SLC44A1: variants seen among roughly 807,000 people sequenced by gnomAD.
The protein encoded by SLC44A1 is solute carrier family 44 member 1.
A neutral mutation model predicts 79.3 loss-of-function variants in SLC44A1; 26 were observed. The observed-to-expected ratio is 0.33, with a 90% CI of 0.24 to 0.46. The LOEUF is 0.46. SLC44A1 is among the 20% of genes least tolerant of loss of function. SLC44A1 has a pLI of 1.00. For missense variants in SLC44A1, 688 were observed against 798.1 expected (o/e 0.86, Z 1.66); for synonymous variants, 263 against 286.2 (o/e 0.92, Z 0.82).
At chr9:105,363,162 A>T (rs1299687655) in intron 9 of SLC44A1, among the ~76,000 whole-genome samples, 155 bp downstream of exon 9, 1 of 149,278 alleles carries the variant, frequency 6.7e-6, no homozygotes, top group Non-Finnish European at 1.5e-5. Context: ...AACCTACTTC[A>T]TATTCGTCTT....
intron 2 of SLC44A1, among the ~76,000 whole-genome samples, chr9:105,302,690 A>C (rs1197222722): frequency 2.0e-5 from 3 of 150,900 alleles, no homozygotes. Context: ...AAAAAAAAAA[A>C]CCTAATTCCT....
At chr9:105,268,931 G>T (rs1275403956) in intron 1 of SLC44A1, among the ~76,000 whole-genome samples, 1 of 152,146 alleles carries the variant, frequency 6.6e-6, no homozygotes, top group Non-Finnish European at 1.5e-5. Context: ...TTACCTTGCC[G>T]TTCACCAAAA....
intron 9 of SLC44A1, among the ~76,000 whole-genome samples, chr9:105,363,713 C>T (rs887716939): frequency 6.6e-6 from 1 of 152,242 alleles, no homozygotes; most frequent in Non-Finnish European, 1.5e-5. Context: ...GATCCATCCA[C>T]CTCGGCCTCC....
At chr9:105,336,193 AT>A (rs1284112417) in intron 4 of SLC44A1, among the ~76,000 whole-genome samples, 1 of 151,794 alleles carries the variant, frequency 6.6e-6, no homozygotes, top group African/African-American at 2.4e-5. Context: ...TAACATATGC[AT>A]ATTATAGGAA....
intron 1 of SLC44A1, among the ~76,000 whole-genome samples, chr9:105,269,147 A>C (rs1564405380): frequency 6.6e-6 from 1 of 152,136 alleles, no homozygotes; most frequent in Non-Finnish European, 1.5e-5. Flanking sequence ...AATATTAATA[A>C]ATTTATGTCT....
At chr9:105,403,131 T>C (rs1828980301) in intron 15 of SLC44A1, among the ~76,000 whole-genome samples, 1 of 151,942 alleles carries the variant, frequency 6.6e-6, no homozygotes, top group Admixed American at 6.6e-5. Flanking sequence ...GAAAAGATTA[T>C]TAAACTAAAA....
chr9:105,292,070 C>T (rs1373351910), intron 1 of SLC44A1, among the ~76,000 whole-genome samples: 7 of 152,170 alleles, frequency 4.6e-5, no homozygotes, highest in African/African-American at 9.6e-5. Context: ...TTAACCCTGC[C>T]CATATACCAC....
chr9:105,333,340 A>C (rs1390765592), intron 3 of SLC44A1, among the ~76,000 whole-genome samples: 1 of 152,080 alleles, frequency 6.6e-6, no homozygotes, highest in East Asian at 1.9e-4. Context: ...CTGTGTACTC[A>C]ATGCCTCTCT....
At chr9:105,327,837 T>C (rs565273229) in intron 3 of SLC44A1, among the ~76,000 whole-genome samples, 1 of 152,306 alleles carries the variant, frequency 6.6e-6, no homozygotes, top group Non-Finnish European at 1.5e-5. Context: ...TCTATAATCC[T>C]GTTTTCCCTG....
intron 4 of SLC44A1, among the ~76,000 whole-genome samples, chr9:105,341,487 G>A (rs959604260): frequency 7.2e-5 from 11 of 152,122 alleles, no homozygotes; most frequent in Admixed American, 5.2e-4. Flanking sequence ...TAATGCTAGA[G>A]AAGAAAACAG....
In SLC44A1 at chr9:105,244,690, C is replaced by T. The variant is rs1162582021; in HGVS notation, c.-179C>T. The T allele has an allele frequency of 2.7e-5, 8 of 294,178 alleles. No homozygotes were observed. The highest frequency in any genetic ancestry group is 5.3e-5 in the Admixed American group (1 of 18,894). The allele number at this position is 294,178 out of a possible 1,614,324, so 18.2% of individuals were successfully genotyped here. ...CGTCGCCGCCGCCGGGGGATGTGGCCGGCGCCTGCCTCTAGCCGCGCCGCC... is the reference window on the plus strand; with the variant it reads ...CGTCGCCGCCGCCGGGGGATGTGGCTGGCGCCTGCCTCTAGCCGCGCCGCC... On this transcript the variant is annotated 5_prime_UTR_variant, in exon 1 of 16. Coordinates refer to ENST00000374720, the MANE Select transcript of SLC44A1 (RefSeq NM_080546.5).
chr9:105,389,867 G>A lies in SLC44A1; in HGVS notation c.*811G>A, dbSNP rs765701365. 3.7e-5 allele frequency: 55 copies of A among 1,486,474 alleles called. No homozygotes were observed. The highest frequency in any genetic ancestry group is 1.7e-4 in the Middle Eastern group (1 of 5,746). The allele number at this position is 1,486,474 out of a possible 1,614,324, so 92.1% of individuals were successfully genotyped here. ...TTGAAAGGAAGCTGGGGCACCCAGCGAGTTTAGCCTTTAAGTTTCTGTGTA... is the reference window on the plus strand; with the variant it reads ...TTGAAAGGAAGCTGGGGCACCCAGCAAGTTTAGCCTTTAAGTTTCTGTGTA... On this transcript the variant is annotated 3_prime_UTR_variant, in exon 16 of 16. Transcript: ENST00000374720.
chr9:105,288,105 T>C (rs1830517201), intron 1 of SLC44A1, among the ~76,000 whole-genome samples: 1 of 152,198 alleles, frequency 6.6e-6, no homozygotes, highest in Admixed American at 6.5e-5. Context: ...TGCTTACATA[T>C]TTGCATATTC....
chr9:105,358,321 T>A, intron 6 of SLC44A1, 23 bp from the exon 7 acceptor site: 1 of 1,255,240 alleles, frequency 8.0e-7, no homozygotes, highest in Non-Finnish European at 1.2e-6. Context: ...TAATATTCTA[T>A]ATGTTCTCTA....
chr9:105,352,148 A>C (rs1827469298), intron 5 of SLC44A1, among the ~76,000 whole-genome samples: 1 of 152,246 alleles, frequency 6.6e-6, no homozygotes, highest in South Asian at 2.1e-4. Flanking sequence ...GGGTGAAAGA[A>C]GAGAAAAAAG....
intron 1 of SLC44A1, among the ~76,000 whole-genome samples, chr9:105,299,010 AG>A (rs1830804560): frequency 6.6e-6 from 1 of 152,034 alleles, no homozygotes; most frequent in Admixed American, 6.6e-5. Context: ...GGCCAGGAAG[AG>A]GGGTGGGAGT....
chr9:105,383,234 G>T lies in SLC44A1; in HGVS notation c.1744G>T (p.Val582Phe). ...LIIVCLFAFL[V>F]AHCFLSIYEM... ...CATCGTCTGCCTCTTTGCTTTCCTA[G>T]TCGCTCATTGCTTCCTGTCTATTTA... Residue 582 changes from valine (V) to phenylalanine (F), a missense_variant, in exon 14 of 16, where the codon GTC (valine) becomes TTC (phenylalanine). Val to Phe is a conservative substitution (Grantham distance 50). Coordinates refer to ENST00000374720, the MANE Select transcript of SLC44A1 (RefSeq NM_080546.5). The T allele has an allele frequency of 6.2e-7, 1 of 1,613,986 alleles. No individual in the cohort carries two copies. Among genetic ancestry groups the T allele is most frequent in the East Asian group, 2.2e-5 (1 of 44,882 alleles).
intron 1 of SLC44A1, among the ~76,000 whole-genome samples, chr9:105,257,276 G>C (rs958864043): frequency 6.7e-6 from 1 of 148,900 alleles, no homozygotes; most frequent in Non-Finnish European, 1.5e-5. Flanking sequence ...TTGTATTTCT[G>C]GTAGAGATGG....
chr9:105,321,789 A>G (rs544566541), intron 3 of SLC44A1, among the ~76,000 whole-genome samples: 16 of 151,610 alleles, frequency 1.1e-4, no homozygotes, highest in African/African-American at 3.9e-4. Context: ...GTGGGACCAA[A>G]TACAGAGAGT....
Sources: allele counts gnomAD v4.1 joint callset (sites outside exome capture counted in the v4.1 genomes callset), GRCh38; gene constraint gnomAD v4.1.1; transcripts MANE v1.5; gene names NCBI Gene and HGNC (gene_info 2026-07-23, HGNC 2026-07-21).